The following CWC27 variants were observed in gnomAD, a reference collection of about 807,000 sequenced individuals.
CWC27 encodes CWC27 spliceosome associated cyclophilin.
Under a neutral mutation model 63.6 loss-of-function variants are expected in CWC27, and 47 were observed. The observed-to-expected ratio is 0.74, with a 90% CI of 0.58 to 0.94. CWC27 has a LOEUF of 0.94. Ranked by LOEUF, CWC27 falls within the 40% of genes least tolerant of loss-of-function variation. The pLI, the probability that CWC27 is intolerant of heterozygous loss-of-function variation, is 0.00. For synonymous variants in CWC27, 175 were observed against 179.8 expected (o/e 0.97, Z 0.22); for missense variants, 495 against 554.3 (o/e 0.89, Z 1.07).
Position 64,894,220 on chromosome 5 carries a change from G to A in CWC27, c.1042+8674G>A, listed in dbSNP as rs140078378. 3.0e-3 allele frequency among the ~76,000 whole-genome samples: 449 copies of A among 152,110 alleles called. 4 individuals are homozygous for A. Among genetic ancestry groups the A allele is most frequent in the East Asian group, 8.1e-3 (42 of 5,174 alleles). On this transcript the variant is annotated intron_variant, in intron 11 of 13. Transcript: ENST00000381070. ...TGGGATTATAGATGTGAGCCACCGC[G>A]CCTGGCCCCTCCATTTTATATATAA...
At chr5:64,935,657 GA>G (rs1748330756) in intron 11 of CWC27, among the ~76,000 whole-genome samples, 1 of 152,204 alleles carries the variant, frequency 6.6e-6, no homozygotes, top group African/African-American at 2.4e-5. Flanking sequence ...ATGGTAGCTT[GA>G]TGGGGATAGC....
chr5:64,776,115 GA>G (rs1743441634), intron 2 of CWC27, among the ~76,000 whole-genome samples: 13 of 94,438 alleles, frequency 1.4e-4, no homozygotes, highest in African/African-American at 4.5e-4. Context: ...GAGAGAGAGA[GA>G]GAGAGAATGA....
Position 64,843,180 on chromosome 5 carries a change from C to T in CWC27, c.938+38794C>T, listed in dbSNP as rs115215491. ...AAAGGAAGATAGTAAGTATTTTTGC[C>T]AGACATTAGCTTTATTTGTTCAGCA... On this transcript the variant is annotated intron_variant, in intron 10 of 13. Transcript: ENST00000381070. Among the ~76,000 whole-genome samples the T allele has an allele frequency of 7.5e-3, 1,137 of 152,188 alleles. 11 individuals are homozygous for T. The highest frequency in any genetic ancestry group is 0.026 in the African/African-American group (1,070 of 41,532).
At chr5:64,944,202 T>C (rs1196542029) in intron 11 of CWC27, among the ~76,000 whole-genome samples, 1 of 152,122 alleles carries the variant, frequency 6.6e-6, no homozygotes, top group Non-Finnish European at 1.5e-5. Flanking sequence ...AAGTATATCT[T>C]GTCTCCACAT....
At chr5:64,867,135 A>C (rs535175746) in intron 10 of CWC27, among the ~76,000 whole-genome samples, 1 of 152,200 alleles carries the variant, frequency 6.6e-6, no homozygotes, top group African/African-American at 2.4e-5. Context: ...ACCATTGTGG[A>C]TATTCCTCCT....
At chr5:64,981,897 G>T (rs930558269) in intron 13 of CWC27, among the ~76,000 whole-genome samples, 1 of 152,092 alleles carries the variant, frequency 6.6e-6, no homozygotes, top group African/African-American at 2.4e-5. Context: ...CTCCTTCTAC[G>T]ATAACCCTAT....
At chr5:64,955,009 A>C (rs1580747604) in intron 11 of CWC27, among the ~76,000 whole-genome samples, 1 of 152,074 alleles carries the variant, frequency 6.6e-6, no homozygotes, top group Admixed American at 6.6e-5. Context: ...TATGAGTTTT[A>C]TTGGTACTTT....
At chr5:64,989,059 G>A (rs1157306587) in intron 13 of CWC27, among the ~76,000 whole-genome samples, 1 of 152,100 alleles carries the variant, frequency 6.6e-6, no homozygotes, top group African/African-American at 2.4e-5. Context: ...CAGCCAGAAC[G>A]TTGGATCTTT....
intron 10 of CWC27, among the ~76,000 whole-genome samples, chr5:64,858,993 ATTTAC>A (rs1746331789): frequency 6.6e-6 from 1 of 152,198 alleles, no homozygotes; most frequent in Non-Finnish European, 1.5e-5. Context: ...AGCAACCCAA[ATTTAC>A]TTTAATAGGA....
chr5:64,841,168 C>A (rs1745824951), intron 10 of CWC27, among the ~76,000 whole-genome samples: 1 of 152,206 alleles, frequency 6.6e-6, no homozygotes, highest in Non-Finnish European at 1.5e-5. Flanking sequence ...ATGGTGCTGG[C>A]ATCTGACGAG....
chr5:64,967,698 T>C (rs1749044633), intron 11 of CWC27, among the ~76,000 whole-genome samples: 2 of 151,940 alleles, frequency 1.3e-5, no homozygotes, highest in African/African-American at 2.4e-5. Flanking sequence ...ACATATAATA[T>C]TGGAACACTT....
intron 7 of CWC27, among the ~76,000 whole-genome samples, chr5:64,799,287 A>G (rs1266414145): frequency 6.6e-6 from 1 of 152,140 alleles, no homozygotes. Context: ...GCCTAGCACA[A>G]AGAATATACT....
chr5:64,879,754 A>G (rs1475728178), intron 10 of CWC27, among the ~76,000 whole-genome samples: 1 of 151,664 alleles, frequency 6.6e-6, no homozygotes, highest in Non-Finnish European at 1.5e-5. Context: ...ATAGTGGGTT[A>G]AATGAAGACA....
intron 10 of CWC27, among the ~76,000 whole-genome samples, chr5:64,883,291 A>G (rs1200861269): frequency 1.3e-5 from 2 of 152,230 alleles, no homozygotes; most frequent in Admixed American, 6.5e-5. Flanking sequence ...GGGTGGGGAT[A>G]CAGCCATACC....
intron 11 of CWC27, among the ~76,000 whole-genome samples, chr5:64,892,676 T>C (rs1247333239): frequency 6.6e-6 from 1 of 152,158 alleles, no homozygotes; most frequent in East Asian, 1.9e-4. Flanking sequence ...GTATGTCTTC[T>C]TAATTATCTT....
intron 7 of CWC27, 29 bp from the exon 8 acceptor site, chr5:64,800,219 C>A: frequency 6.8e-7 from 1 of 1,477,908 alleles, no homozygotes; most frequent in Non-Finnish European, 9.4e-7. Context: ...TATTTCCCCC[C>A]TCATGATTAT....
At chr5:64,863,418 C>T (rs1746458660) in intron 10 of CWC27, among the ~76,000 whole-genome samples, 1 of 151,940 alleles carries the variant, frequency 6.6e-6, no homozygotes, top group African/African-American at 2.4e-5. Context: ...TTCTCCCCTA[C>T]TCTGCCCTCC....
At chr5:64,911,841 G>A (rs1226832560) in intron 11 of CWC27, among the ~76,000 whole-genome samples, 4 of 152,196 alleles carry the variant, frequency 2.6e-5, no homozygotes, top group East Asian at 1.9e-4. Context: ...TTGGGAGGCC[G>A]AGGTGGGCGG....
At chr5:64,903,488 G>A (rs571989251) in intron 11 of CWC27, among the ~76,000 whole-genome samples, 40 of 151,394 alleles carry the variant, frequency 2.6e-4, no homozygotes, top group African/African-American at 9.7e-4. Flanking sequence ...AGAACACATG[G>A]ACACAGGGAG....
Sources: allele counts gnomAD v4.1 joint callset (sites outside exome capture counted in the v4.1 genomes callset), GRCh38; gene constraint gnomAD v4.1.1; transcripts MANE v1.5; gene names NCBI Gene and HGNC (gene_info 2026-07-23, HGNC 2026-07-21).